The following NELL1 variants were observed in gnomAD, a reference collection of about 807,000 sequenced individuals.
The protein encoded by NELL1 is neural EGFL like 1, also known as protein kinase C-binding protein NELL1.
Under a neutral mutation model 107.4 loss-of-function variants are expected in NELL1, and 76 were observed. The ratio of observed to expected loss-of-function variants is 0.71; its 90% CI spans 0.59 to 0.86. The LOEUF (loss-of-function observed/expected upper bound fraction) is 0.86, where lower values mean the gene tolerates loss of function less well. NELL1 is among the 40% of genes least tolerant of loss of function. NELL1 has a pLI of 0.00. For missense variants in NELL1, 1,024 were observed against 1,005.5 expected (o/e 1.02, Z -0.25); for synonymous variants, 353 against 341.2 (o/e 1.03, Z -0.38).
intron 11 of NELL1, among the ~76,000 whole-genome samples, chr11:20,954,978 G>A (rs992665887): frequency 1.3e-5 from 2 of 152,168 alleles, no homozygotes; most frequent in South Asian, 2.1e-4. Flanking sequence ...ACACAGACAA[G>A]GAATACGTGT....
intron 15 of NELL1, among the ~76,000 whole-genome samples, chr11:21,393,951 T>C (rs1305256530): frequency 6.6e-6 from 1 of 151,580 alleles, no homozygotes; most frequent in African/African-American, 2.4e-5. Flanking sequence ...ATTTTGAAAA[T>C]GTGATCAGTA....
Position 21,575,096 on chromosome 11 carries a change from A to C in NELL1, c.*74A>C. 2.2e-6 allele frequency: 3 copies of C among 1,334,822 alleles called. No individual in the cohort carries two copies. The highest frequency in any genetic ancestry group is 3.2e-6 in the Non-Finnish European group (3 of 932,428). The allele number at this position is 1,334,822 out of a possible 1,614,324, so 82.7% of individuals were successfully genotyped here. Reference sequence around the variant, plus strand: ...AACGTGATTAAGGATAGGAATCGGTAGTTTGGTTTTTTTGTTTGTTTTGTT... The same window carrying C: ...AACGTGATTAAGGATAGGAATCGGTCGTTTGGTTTTTTTGTTTGTTTTGTT... On this transcript the variant is annotated 3_prime_UTR_variant, in exon 20 of 20. Coordinates refer to ENST00000357134, the MANE Select transcript of NELL1 (RefSeq NM_006157.5).
intron 2 of NELL1, among the ~76,000 whole-genome samples, chr11:20,715,376 T>C (rs1322629766): frequency 6.6e-6 from 1 of 151,934 alleles, no homozygotes; most frequent in Non-Finnish European, 1.5e-5. Context: ...AGCCTTCCTA[T>C]ACAGGTACTA....
chr11:20,867,249 C>T (rs1194165807), intron 4 of NELL1, among the ~76,000 whole-genome samples: 1 of 152,076 alleles, frequency 6.6e-6, no homozygotes, highest in Non-Finnish European at 1.5e-5. Flanking sequence ...CCTAATTTCT[C>T]AATGGTTTCC....
chr11:20,763,089 A>G (rs1158146352), intron 2 of NELL1, among the ~76,000 whole-genome samples: 4 of 152,114 alleles, frequency 2.6e-5, no homozygotes, highest in African/African-American at 4.8e-5. Context: ...TTTATTGACT[A>G]ACTTACCCGG....
At chr11:20,860,224 A>C (rs1379848961) in intron 4 of NELL1, among the ~76,000 whole-genome samples, 1 of 152,224 alleles carries the variant, frequency 6.6e-6, no homozygotes, top group African/African-American at 2.4e-5. Flanking sequence ...ACCATAAAAT[A>C]GTGTTTGCTT....
At chr11:20,845,021 C>T (rs1300376334) in intron 3 of NELL1, among the ~76,000 whole-genome samples, 1 of 152,148 alleles carries the variant, frequency 6.6e-6, no homozygotes, top group Non-Finnish European at 1.5e-5. Flanking sequence ...CCTCCTAGCC[C>T]TCATGAAAGA....
chr11:21,231,930 A>G (rs1290503370), intron 14 of NELL1, among the ~76,000 whole-genome samples: 1 of 152,004 alleles, frequency 6.6e-6, no homozygotes, highest in Non-Finnish European at 1.5e-5. Context: ...TGTACTCTTC[A>G]CACCTTCTTT....
intron 15 of NELL1, among the ~76,000 whole-genome samples, chr11:21,440,105 C>A (rs1292796725): frequency 6.6e-6 from 1 of 152,040 alleles, no homozygotes; most frequent in Non-Finnish European, 1.5e-5. Context: ...AAAGTTAATT[C>A]ATAGAATTCC....
chr11:20,737,022 G>A (rs1482731194), intron 2 of NELL1, among the ~76,000 whole-genome samples: 2 of 152,010 alleles, frequency 1.3e-5, no homozygotes, highest in African/African-American at 2.4e-5. Context: ...CAAAGTGCTG[G>A]GATTACAGAT....
intron 2 of NELL1, among the ~76,000 whole-genome samples, chr11:20,707,854 C>T (rs1410573013): frequency 6.6e-6 from 1 of 152,184 alleles, no homozygotes; most frequent in African/African-American, 2.4e-5. Context: ...GCTGGGAGAA[C>T]AACTACTTTC....
At chr11:21,005,057 A>T (rs995376153) in intron 12 of NELL1, among the ~76,000 whole-genome samples, 1 of 152,150 alleles carries the variant, frequency 6.6e-6, no homozygotes, top group African/African-American at 2.4e-5. Flanking sequence ...TTAATTTCTT[A>T]TATTTGTTTT....
intron 2 of NELL1, among the ~76,000 whole-genome samples, chr11:20,764,339 AG>A (rs1331262494): frequency 2.0e-5 from 3 of 152,148 alleles, no homozygotes; most frequent in Non-Finnish European, 4.4e-5. Context: ...TTTATTTCTT[AG>A]GGTATGTCAA....
chr11:20,767,954 T>G (rs892210838), intron 2 of NELL1, among the ~76,000 whole-genome samples: 15 of 152,146 alleles, frequency 9.9e-5, no homozygotes, highest in African/African-American at 3.1e-4. Flanking sequence ...AGAGCTATAC[T>G]GGAGAGAGAA....
At chr11:21,085,802 G>T (rs1590622611) in intron 12 of NELL1, among the ~76,000 whole-genome samples, 1 of 152,162 alleles carries the variant, frequency 6.6e-6, no homozygotes, top group African/African-American at 2.4e-5. Context: ...GGTCGTAGAA[G>T]AACCAGAAGA....
chr11:21,479,975 ACT>A (rs1464653577), intron 15 of NELL1, among the ~76,000 whole-genome samples: 8 of 151,878 alleles, frequency 5.3e-5, no homozygotes, highest in African/African-American at 1.7e-4. Context: ...GGTTTCTGTG[ACT>A]CTGCTCTACT....
intron 14 of NELL1, among the ~76,000 whole-genome samples, chr11:21,312,763 TAGAC>T (rs1264238026): frequency 6.6e-6 from 1 of 152,116 alleles, no homozygotes; most frequent in Non-Finnish European, 1.5e-5. Context: ...ATAAGTGAAA[TAGAC>T]AGGAATGGAT....
chr11:21,123,199 A>G (rs1217058562), intron 13 of NELL1, among the ~76,000 whole-genome samples: 1 of 152,198 alleles, frequency 6.6e-6, no homozygotes, highest in Non-Finnish European at 1.5e-5. Context: ...TTCATAAAAT[A>G]TACCTTAGAA....
rs1483685971 is a variant in NELL1 at position 20,887,892 on chromosome 11, A to G, written c.603+2352A>G. 2.6e-5 allele frequency among the ~76,000 whole-genome samples: 4 copies of G among 152,214 alleles called. No homozygotes were observed. In the South Asian group the frequency reaches 6.2e-4, roughly 24 times the overall value. ...AGGAGCTCTAAAGCCATCACGAATG[A>G]CAGTGGAAAGAAACAAAAAAATGCT... is the stretch of plus-strand genomic sequence containing the variant. On this transcript the variant is annotated intron_variant, in intron 5 of 19. Coordinates refer to ENST00000357134, the MANE Select transcript of NELL1 (RefSeq NM_006157.5).
Sources: allele counts gnomAD v4.1 joint callset (sites outside exome capture counted in the v4.1 genomes callset), GRCh38; gene constraint gnomAD v4.1.1; transcripts MANE v1.5; gene names NCBI Gene and HGNC (gene_info 2026-07-23, HGNC 2026-07-21).